FN1: variants seen among roughly 807,000 people sequenced by gnomAD.
The protein encoded by FN1 is fibronectin.
Under a neutral mutation model 297.3 loss-of-function variants are expected in FN1, and 106 were observed. That is an observed-to-expected ratio of 0.36 (90% CI 0.30 to 0.42). The LOEUF is 0.42. FN1 is among the 10% of genes least tolerant of loss of function. The pLI is 1.00. For synonymous variants in FN1, 1,149 were observed against 1,152.6 expected (o/e 1.00, Z 0.06); for missense variants, 2,690 against 3,124.9 (o/e 0.86, Z 3.32).
chr2:215,401,243 A>AAGGAAGGAAGGAAGG (rs1559475433), intron 20 of FN1, among the ~76,000 whole-genome samples: 7 of 66,864 alleles, frequency 1.0e-4, no homozygotes, highest in African/African-American at 1.7e-4. Flanking sequence ...AGAAAGAAAG[A>AAGGAAGGAAGGAAGG]AAGAAAGGAA....
At position 215,367,746 on chromosome 2, in the gene FN1, G is replaced by C. The variant is rs2054922448; in HGVS notation, c.7018+117C>G. ...ACTTCGAGTCAAACAGTATTCTCTT[G>C]TTTGCTTCATGTTTGGAAGAACCTG... On this transcript the variant is annotated intron_variant, in intron 42 of 45. Coordinates refer to ENST00000354785, the MANE Select transcript of FN1 (RefSeq NM_212482.4). 5 of 1,004,904 alleles carry C rather than the reference G, an allele frequency of 5.0e-6. No homozygotes were observed. In the East Asian group the frequency reaches 1.0e-4, roughly 20 times the overall value. The allele number at this position is 1,004,904 out of a possible 1,614,324, so 62.2% of individuals were successfully genotyped here. A position where few individuals can be genotyped will look rare whatever the true frequency, so the allele number is the denominator to read the frequency against.
intron 26 of FN1, among the ~76,000 whole-genome samples, chr2:215,388,600 C>T (rs1242511687): frequency 6.6e-6 from 1 of 152,206 alleles, no homozygotes; most frequent in Non-Finnish European, 1.5e-5. Flanking sequence ...ATATTTCTCG[C>T]ATCCACCTGA....
Position 215,375,701 on chromosome 2 carries a change from C to A in FN1, c.5905G>T (p.Asp1969Tyr). The A allele has an allele frequency of 6.2e-7, 1 of 1,611,226 alleles. No homozygotes were observed. The highest frequency in any genetic ancestry group is 2.2e-5 in the East Asian group (1 of 44,866). ...AAGGTGTACAGGTAGATCTTGTAGT[C>A]AGTGCCTGGTTGTAAACCTGGGATT... The part of the protein sequence containing the change: ...YTITGLQPGT[D>Y]YKIYLYTLND... The change falls in exon 37 of 46, where the codon GAC becomes TAC. Residue 1969 changes from aspartate (D) to tyrosine (Y), a missense_variant. Transcript: ENST00000354785.
intron 1 of FN1, among the ~76,000 whole-genome samples, 192 bp from the exon 2 acceptor site, chr2:215,435,016 A>G (rs1456571610): frequency 1.3e-5 from 2 of 152,230 alleles, no homozygotes; most frequent in Admixed American, 6.5e-5. Flanking sequence ...AAGGCAGACA[A>G]TTGAAGTCAC....
intron 39 of FN1, among the ~76,000 whole-genome samples, chr2:215,373,034 A>G (rs1015105297): frequency 6.6e-6 from 1 of 152,224 alleles, no homozygotes; most frequent in Non-Finnish European, 1.5e-5. Flanking sequence ...AAGAAGAGCA[A>G]TGATAGCTCT....
At position 215,428,343 on chromosome 2, in the gene FN1, G is replaced by T; in HGVS notation, c.686-5C>A. Reference sequence around the variant, plus strand: ...TGTCCTGATCGTTGCATCTATCTGTGTCACAAAGGAAGCACATACATACAT... The same window carrying T: ...TGTCCTGATCGTTGCATCTATCTGTTTCACAAAGGAAGCACATACATACAT... On this transcript the variant is annotated splice_region_variant and splice_polypyrimidine_tract_variant and intron_variant, in intron 5 of 45. Transcript: ENST00000354785. 6.2e-7 allele frequency: 1 copy of T among 1,613,762 alleles called. No homozygotes were observed. Among genetic ancestry groups the T allele is most frequent in the Non-Finnish European group, 8.5e-7 (1 of 1,179,858 alleles).
At chr2:215,427,154 C>T (rs951496519) in intron 6 of FN1, among the ~76,000 whole-genome samples, 6 of 152,260 alleles carry the variant, frequency 3.9e-5, no homozygotes, top group South Asian at 2.1e-4. Context: ...GGATTACAGG[C>T]GTGAGCCACC....
At chr2:215,407,348 T>A (rs747300075) in intron 17 of FN1, 27 bp from the exon 18 acceptor site, 1 of 1,581,790 alleles carries the variant, frequency 6.3e-7, no homozygotes, top group South Asian at 1.1e-5. Context: ...AAAAGTAAGA[T>A]GCACTGTTTT....
intron 33 of FN1, 98 bp downstream of exon 33, chr2:215,380,713 C>A: frequency 7.3e-7 from 1 of 1,370,868 alleles, no homozygotes; most frequent in Non-Finnish European, 1.0e-6. Context: ...CTTTTTCACC[C>A]TTACACGGGA....
rs1357418080 is a variant in FN1, at chr2:215,425,294, A to C, written c.845-9T>G. On this transcript the variant is annotated splice_polypyrimidine_tract_variant and intron_variant, in intron 6 of 45. Coordinates refer to ENST00000354785, the MANE Select transcript of FN1 (RefSeq NM_212482.4). ...GGTGAAGGGGCCAGATCCTAATGGC[A>C]TGAAAAGGGAATGTCACAAAACTGG... The C allele has an allele frequency of 6.2e-7, 1 of 1,613,664 alleles. No homozygotes were observed. The highest frequency in any genetic ancestry group is 8.5e-7 in the Non-Finnish European group (1 of 1,179,936).
rs1425522048 is a variant in FN1, at chr2:215,401,198, A to AAAGAAAGAAAG, written c.3254-1848_3254-1847insCTTTCTTTCTT. ...GAGAGAGAGTGAGAGAGAAAGAAAG[A>AAAGAAAGAAAG]AAAGAAAGAAAGAAAGAAAGAAAGA... On this transcript the variant is annotated intron_variant, in intron 20 of 45. Coordinates refer to ENST00000354785, the MANE Select transcript of FN1 (RefSeq NM_212482.4). Among the ~76,000 whole-genome samples, 27 of 86,780 alleles carry AAAGAAAGAAAG rather than the reference A, an allele frequency of 3.1e-4. 3 individuals are homozygous for AAAGAAAGAAAG. The highest frequency in any genetic ancestry group is 1.1e-3 in the African/African-American group (21 of 19,478). The allele number at this position is 86,780 out of a possible 152,430, so 56.9% of individuals were successfully genotyped here. A position where few individuals can be genotyped will look rare whatever the true frequency, so the allele number is the denominator to read the frequency against.
chr2:215,376,421 T>C, intron 36 of FN1, 77 bp downstream of exon 36: 1 of 1,302,390 alleles, frequency 7.7e-7, no homozygotes, highest in South Asian at 1.2e-5. Flanking sequence ...TCAGTGTCAG[T>C]CGTAGAACAG....
At position 215,407,261 on chromosome 2, in the gene FN1, T is replaced by G; in HGVS notation, c.2579A>C (p.Glu860Ala). ...ACTGAGGGTGACGGAGTTTGCAGTT[T>G]CAGGAAGGTTGAGTTCTGTGCTGCT... is the stretch of plus-strand genomic sequence containing the variant. ...EGSSTELNLPETANSVTLSDL... is the reference protein window; with the variant it reads ...EGSSTELNLPATANSVTLSDL... The change falls in exon 18 of 46, where the codon GAA becomes GCA. Residue 860 changes from glutamate to alanine, a missense_variant. Physicochemically the swap from Glu to Ala is moderately radical, Grantham distance 107 (BLOSUM62 -1). Coordinates refer to ENST00000354785, the MANE Select transcript of FN1 (RefSeq NM_212482.4). 6.2e-7 allele frequency: 1 copy of G among 1,614,202 alleles called. No homozygotes were observed. Among genetic ancestry groups the G allele is most frequent in the Middle Eastern group, 1.6e-4 (1 of 6,062 alleles).
At chr2:215,432,686 G>A (rs1279614743) in intron 3 of FN1, among the ~76,000 whole-genome samples, 1 of 152,184 alleles carries the variant, frequency 6.6e-6, no homozygotes, top group Admixed American at 6.5e-5. Context: ...GAATCTATTG[G>A]TAACCCAGTG....
At position 215,380,867 on chromosome 2, in the gene FN1, A is replaced by G; in HGVS notation, c.5378T>C (p.Val1793Ala). The part of the protein sequence containing the change: ...LRPGSEYTVS[V>A]VALHDDMESQ... ...CTCCATATCATCGTGCAAGGCAACC[A>G]CACTGACTGTGTACTCAGAACCCGG... is the stretch of plus-strand genomic sequence containing the variant. The change falls in exon 33 of 46, where the codon GTG (valine) becomes GCG (alanine). Residue 1793 changes from valine (V) to alanine (A), a missense_variant. Around this residue, in one of 3 missense-constraint regions of FN1, gnomAD observed 1,743 missense variants for 1,945.2 expected, o/e 0.90. Transcript: ENST00000354785. The G allele has an allele frequency of 6.2e-7, 1 of 1,614,110 alleles. No individual in the cohort carries two copies. The highest frequency in any genetic ancestry group is 8.5e-7 in the Non-Finnish European group (1 of 1,180,026).
intron 44 of FN1, among the ~76,000 whole-genome samples, chr2:215,363,833 T>C (rs1249444772): frequency 1.3e-5 from 2 of 152,256 alleles, no homozygotes; most frequent in African/African-American, 4.8e-5. Context: ...TTTGTTATAC[T>C]GGGCATATTT....
chr2:215,411,491 C>A (rs1381862425), intron 13 of FN1, among the ~76,000 whole-genome samples: 1 of 152,034 alleles, frequency 6.6e-6, no homozygotes, highest in African/African-American at 2.4e-5. Flanking sequence ...GCAATTAGCT[C>A]AAATTTAGTA....
At chr2:215,389,135 ACT>A (rs2059396551) in intron 26 of FN1, among the ~76,000 whole-genome samples, 1 of 151,568 alleles carries the variant, frequency 6.6e-6, no homozygotes, top group Non-Finnish European at 1.5e-5. Context: ...ACGAGGTTTT[ACT>A]CTGTTGCCCA....
In FN1 at chr2:215,394,809, G is replaced by A. The variant is rs561806321; in HGVS notation, c.3605-90C>T. The A allele has an allele frequency of 1.3e-4, 130 of 993,958 alleles. No homozygotes were observed. In the East Asian group the frequency reaches 2.5e-3, roughly 19 times the overall value. 61.6% of individuals were successfully genotyped at this position (993,958 alleles called of 1,614,324 possible). ...GACTCCAATGATGGATTCACAGGGC[G>A]GAATGCAGGACTTGGCATTTACTGA... On this transcript the variant is annotated intron_variant, in intron 23 of 45. Transcript: ENST00000354785.
Sources: allele counts gnomAD v4.1 joint callset (sites outside exome capture counted in the v4.1 genomes callset), GRCh38; gene constraint gnomAD v4.1.1; regional missense constraint gnomAD v4.1.1; transcripts MANE v1.5; gene names NCBI Gene and HGNC (gene_info 2026-07-23, HGNC 2026-07-21).